Variants in KDM5A observed in about 807,000 individuals in gnomAD.
KDM5A encodes lysine demethylase 5A.
Under a neutral mutation model 193.5 loss-of-function variants are expected in KDM5A, and 42 were observed. That is an observed-to-expected ratio of 0.22 (90% CI 0.17 to 0.28). The LOEUF (loss-of-function observed/expected upper bound fraction) is 0.28, where lower values mean the gene tolerates loss of function less well. Among genes scored for constraint, KDM5A ranks in the 10% least tolerant of loss-of-function variants. The probability of loss-of-function intolerance (pLI) is 1.00; values close to 1 mark genes in which losing one functional copy is unlikely to be tolerated. For missense variants in KDM5A, 1,692 were observed against 2,055.1 expected, an observed-to-expected ratio of 0.82 and a Z score of 3.42; for synonymous variants, 796 against 718.1, an observed-to-expected ratio of 1.11 and a Z score of -1.73.
At chr12:308,893 T>G (rs982528054) in intron 22 of KDM5A, among the ~76,000 whole-genome samples, 1 of 152,040 alleles carries the variant, frequency 6.6e-6, no homozygotes, top group Admixed American at 6.6e-5. Flanking sequence ...ATTCCTCCTA[T>G]CCTCCAAAAA....
chr12:283,281 G>A lies in KDM5A; in HGVS notation c.*2175C>T, dbSNP rs939064101. 13 of 231,838 alleles carry A rather than the reference G, an allele frequency of 5.6e-5. No individual in the cohort carries two copies. The highest frequency in any genetic ancestry group is 2.9e-4 in the African/African-American group (13 of 45,256). The allele number at this position is 231,838 out of a possible 1,614,324, so 14.4% of individuals were successfully genotyped here. On this transcript the variant is annotated 3_prime_UTR_variant, in exon 28 of 28. Transcript: ENST00000399788. ...GCTTTCTTGTATAACATCAACCAGA[G>A]GAAATTCTTAATTGATAATCGTTAG...
At chr12:319,914 T>C (rs1943694941) in intron 18 of KDM5A, among the ~76,000 whole-genome samples, 1 of 152,146 alleles carries the variant, frequency 6.6e-6, no homozygotes. Context: ...TGATATTTAA[T>C]GTCACTGGGC....
rs1156455098 is a variant in KDM5A, at chr12:362,880, C to T, written c.672+83G>A. The T allele has an allele frequency of 2.3e-6, 3 of 1,314,242 alleles. No homozygotes were observed. In the South Asian group the frequency reaches 3.6e-5, roughly 16 times the overall value. The allele number at this position is 1,314,242 out of a possible 1,614,324, so 81.4% of individuals were successfully genotyped here. ...GGCGGAGGCAAGAGGATCACTTGAG[C>T]CAAGGAGTTCAAGGCTAGCCTGGGC... On this transcript the variant is annotated intron_variant, in intron 5 of 27. Transcript: ENST00000399788.
At chr12:337,748 T>C (rs1943952674) in intron 10 of KDM5A, among the ~76,000 whole-genome samples, 1 of 151,744 alleles carries the variant, frequency 6.6e-6, no homozygotes, top group East Asian at 1.9e-4. Context: ...GTTCAAGCGA[T>C]TCTCCTGCCT....
At chr12:341,426 T>C (rs1045139820) in intron 10 of KDM5A, among the ~76,000 whole-genome samples, 1 of 151,924 alleles carries the variant, frequency 6.6e-6, no homozygotes, top group African/African-American at 2.4e-5. Context: ...TATTCTCTAA[T>C]CAATATTATC....
At chr12:292,027 C>T (rs1943301240) in intron 27 of KDM5A, among the ~76,000 whole-genome samples, 1 of 151,928 alleles carries the variant, frequency 6.6e-6, no homozygotes, top group Middle Eastern at 3.2e-3. Context: ...CACAACCTCC[C>T]AAGTAGCTGA....
chr12:353,081 G>C (rs1019647499), intron 8 of KDM5A, among the ~76,000 whole-genome samples: 2 of 152,068 alleles, frequency 1.3e-5, no homozygotes, highest in Admixed American at 1.3e-4. Flanking sequence ...ACAGTGGCTC[G>C]TGTCTGTAAT....
rs1436491971 is a variant in KDM5A, at chr12:313,134, G to C, written c.2958C>G (p.Ala986=). The C allele has an allele frequency of 6.2e-7, 1 of 1,614,010 alleles. No homozygotes were observed. The highest frequency in any genetic ancestry group is 2.2e-5 in the East Asian group (1 of 44,878). Residue 986 remains alanine (A), a synonymous_variant, in exon 20 of 28, where the codon GCC becomes GCG. Coordinates refer to ENST00000399788, the MANE Select transcript of KDM5A (RefSeq NM_001042603.3). ...TCAAGGACAACACATTGGGTAGAAA[G>C]GCTGGAATGTTCTTGGCTTCATTCA... ...SIVNEAKNIP[A]FLPNVLSLKE...
In KDM5A at chr12:312,804, C is replaced by T. The variant is rs1565530386; in HGVS notation, c.3036+252G>A. On this transcript the variant is annotated intron_variant, in intron 20 of 27. Transcript: ENST00000399788. Reference sequence around the variant, plus strand: ...TGGGAGCTGTGGCTCAGTGCTGCTGCCCGGCATTGTGAGAGAATGTCATAC... The same window carrying T: ...TGGGAGCTGTGGCTCAGTGCTGCTGTCCGGCATTGTGAGAGAATGTCATAC... Among the ~76,000 whole-genome samples, 18 of 152,172 alleles carry T rather than the reference C, an allele frequency of 1.2e-4. No homozygotes were observed. In the South Asian group the frequency reaches 3.7e-3, roughly 32 times the overall value.
intron 17 of KDM5A, 34 bp downstream of exon 17, chr12:322,383 A>G: frequency 1.2e-6 from 2 of 1,602,854 alleles, no homozygotes; most frequent in Non-Finnish European, 1.7e-6. Flanking sequence ...AGAAACAGGA[A>G]AACACTGGAG....
At chr12:355,681 G>GT (rs1384180725) in intron 6 of KDM5A, among the ~76,000 whole-genome samples, 3 of 152,140 alleles carry the variant, frequency 2.0e-5, no homozygotes, top group African/African-American at 7.2e-5. Context: ...AATGTATTTA[G>GT]TAAGTCTTAT....
chr12:307,232 T>C lies in KDM5A; in HGVS notation c.3931-143A>G, dbSNP rs1943518768. The C allele has an allele frequency of 2.7e-6, 3 of 1,094,122 alleles. No individual in the cohort carries two copies. Among genetic ancestry groups the C allele is most frequent in the Non-Finnish European group, 4.1e-6 (3 of 738,008 alleles). The allele number at this position is 1,094,122 out of a possible 1,614,324, so 67.8% of individuals were successfully genotyped here. ...CAACAGTTAGTAGAAATCAAATTATTTGATTATGATGCCAAAGTCCACCTG... is the reference window on the plus strand; with the variant it reads ...CAACAGTTAGTAGAAATCAAATTATCTGATTATGATGCCAAAGTCCACCTG... On this transcript the variant is annotated intron_variant, in intron 23 of 27. Coordinates refer to ENST00000399788, the MANE Select transcript of KDM5A (RefSeq NM_001042603.3). This position sits in a 1 kb window ranked among gnomAD's most constrained non-coding sequence, Gnocchi z 4.3.
At chr12:324,081 A>C in intron 14 of KDM5A, among the ~76,000 whole-genome samples, 1 of 152,114 alleles carries the variant, frequency 6.6e-6, no homozygotes, top group East Asian at 1.9e-4. Flanking sequence ...CTGAGGCGGA[A>C]GGATTGTTTG....
At chr12:370,748 A>G (rs567409416) in intron 3 of KDM5A, among the ~76,000 whole-genome samples, 1 of 152,250 alleles carries the variant, frequency 6.6e-6, no homozygotes, top group Non-Finnish European at 1.5e-5. Flanking sequence ...TATATCTCCT[A>G]ATGCTATCCC....
Position 284,318 on chromosome 12 carries a change from A to G in KDM5A, c.*1138T>C, listed in dbSNP as rs1444060475. The stretch of plus-strand genomic sequence containing the variant: ...GAGACATTTAGAAAAAAGTAAAAAC[A>G]AGTCCTTTTTTTTTTTTAAAAATGG... On this transcript the variant is annotated 3_prime_UTR_variant, in exon 28 of 28. Transcript: ENST00000399788. 4.3e-6 allele frequency: 1 copy of G among 230,914 alleles called. No homozygotes were observed. The highest frequency in any genetic ancestry group is 8.6e-6 in the Non-Finnish European group (1 of 116,556). The allele number at this position is 230,914 out of a possible 1,614,324, so 14.3% of individuals were successfully genotyped here.
chr12:295,110 G>A (rs1165987905), intron 26 of KDM5A, among the ~76,000 whole-genome samples: 1 of 152,080 alleles, frequency 6.6e-6, no homozygotes, highest in Admixed American at 6.6e-5. Context: ...TTCTAAACGG[G>A]ATGGTTATCA....
In KDM5A at chr12:344,101, G is replaced by A. The variant is rs137888091; in HGVS notation, c.1308+6520C>T. Among the ~76,000 whole-genome samples, 94 of 152,306 alleles carry A rather than the reference G, an allele frequency of 6.2e-4. 1 individual carries two copies. The highest frequency in any genetic ancestry group is 6.9e-4 in the Non-Finnish European group (47 of 68,034). ...CTGATGGAGCTGAAAACCATGGGACGAGAACTTCATTACACATGCACAAGC... is the reference window on the plus strand; with the variant it reads ...CTGATGGAGCTGAAAACCATGGGACAAGAACTTCATTACACATGCACAAGC... On this transcript the variant is annotated intron_variant, in intron 10 of 27. Transcript: ENST00000399788.
At chr12:311,245 TA>T in intron 20 of KDM5A, 181 bp from the exon 21 acceptor site, 1 of 631,602 alleles carries the variant, frequency 1.6e-6, no homozygotes, top group African/African-American at 1.8e-5. Flanking sequence ...TTGTGTAAAT[TA>T]TTTTTTTAAT....
At chr12:331,996 G>A (rs1565536517) in intron 12 of KDM5A, 58 bp from the exon 13 acceptor site, 2 of 1,505,708 alleles carry the variant, frequency 1.3e-6, no homozygotes, top group Admixed American at 3.5e-5. Context: ...ACAAACAGAG[G>A]AAGACAGATT....
Sources: gnomAD v4.1 joint callset for allele counts (sites outside exome capture counted in the v4.1 genomes callset) on GRCh38, gnomAD v4.1.1 for gene constraint, Gnocchi (gnomAD v3.1) non-coding constraint, MANE v1.5 for transcripts, NCBI Gene and HGNC (gene_info 2026-07-23, HGNC 2026-07-21) for gene names.